The following MACROD2 variants were observed in gnomAD, a reference collection of about 807,000 sequenced individuals.
The protein encoded by MACROD2 is ADP-ribose glycohydrolase MACROD2.
MACROD2 carries 36 observed loss-of-function variants against 70.4 expected under a neutral mutation model. The ratio of observed to expected loss-of-function variants is 0.51; its 90% CI spans 0.39 to 0.68. The LOEUF (loss-of-function observed/expected upper bound fraction) is 0.68, where lower values mean the gene tolerates loss of function less well. Ranked by LOEUF, MACROD2 falls within the 30% of genes least tolerant of loss-of-function variation. The probability of loss-of-function intolerance (pLI) is 0.00; values close to 1 mark genes in which losing one functional copy is unlikely to be tolerated. For synonymous variants in MACROD2, 172 were observed against 178.8 expected (o/e 0.96, Z 0.30); for missense variants, 496 against 538.4 (o/e 0.92, Z 0.78).
At chr20:14,324,730 G>A (rs1338556659) in intron 3 of MACROD2, 3 of 151,898 alleles carry the variant, frequency 2.0e-5, no homozygotes, top group Non-Finnish European at 4.4e-5. Context: ...ATGCAGTTTT[G>A]GTATTTGTGT....
At chr20:15,742,472 C>T (rs1373052184) in intron 8 of MACROD2, among the ~76,000 whole-genome samples, 1 of 152,108 alleles carries the variant, frequency 6.6e-6, no homozygotes, top group African/African-American at 2.4e-5. Flanking sequence ...TTTTATTTTG[C>T]ACTGATAGAC....
intron 3 of MACROD2, among the ~76,000 whole-genome samples, chr20:14,341,804 A>G (rs985992968): frequency 5.9e-5 from 9 of 152,218 alleles, no homozygotes; most frequent in Admixed American, 2.6e-4. Context: ...GTTAAAATGT[A>G]TAGTACAACT....
chr20:15,437,970 A>T (rs1161734338), intron 7 of MACROD2, among the ~76,000 whole-genome samples: 1 of 151,978 alleles, frequency 6.6e-6, no homozygotes, highest in East Asian at 1.9e-4. Flanking sequence ...AGTCACATGC[A>T]TGTGTCTGTA....
intron 5 of MACROD2, among the ~76,000 whole-genome samples, chr20:15,201,602 T>C (rs2076656748): frequency 6.6e-6 from 1 of 152,212 alleles, no homozygotes; most frequent in Non-Finnish European, 1.5e-5. Flanking sequence ...TGGATAGTTG[T>C]TTCTCCTAGG....
In MACROD2 at chr20:15,095,061, C is replaced by CTTT. The variant is rs1431303564; in HGVS notation, c.419-134877_419-134876insTTT. Among the ~76,000 whole-genome samples the CTTT allele has an allele frequency of 9.2e-3, 418 of 45,596 alleles. 5 individuals are homozygous for CTTT. Among genetic ancestry groups the CTTT allele is most frequent in the Non-Finnish European group, 0.011 (311 of 27,810 alleles). The allele number at this position is 45,596 out of a possible 152,430, so 29.9% of individuals were successfully genotyped here. A position where few individuals can be genotyped will look rare whatever the true frequency, so the allele number is the denominator to read the frequency against. On this transcript the variant is annotated intron_variant, in intron 5 of 17. Coordinates refer to ENST00000684519, the MANE Select transcript of MACROD2 (RefSeq NM_001351661.2). ...TTATATCTTTTCACTGTGGTCTCCT[C>CTTT]TTCTTTTTTTTTTTTTTTTTTTTTT... is the stretch of plus-strand genomic sequence containing the variant.
intron 5 of MACROD2, among the ~76,000 whole-genome samples, chr20:14,787,561 T>G (rs1811414274): frequency 1.3e-5 from 2 of 152,138 alleles, no homozygotes; most frequent in South Asian, 4.1e-4. Flanking sequence ...AACAAAATCC[T>G]TGTTCTGCTT....
At chr20:15,704,686 G>A (rs1356043478) in intron 8 of MACROD2, among the ~76,000 whole-genome samples, 2 of 152,192 alleles carry the variant, frequency 1.3e-5, no homozygotes, top group Non-Finnish European at 2.9e-5. Context: ...AACAACTTTT[G>A]AGTAGCAAGG....
intron 9 of MACROD2, among the ~76,000 whole-genome samples, chr20:15,864,825 G>A (rs186312064): frequency 6.6e-6 from 1 of 152,200 alleles, no homozygotes; most frequent in Admixed American, 6.5e-5. Flanking sequence ...TTTACAATAG[G>A]AAGTACATTT....
intron 8 of MACROD2, among the ~76,000 whole-genome samples, chr20:15,751,403 TAAC>T (rs1425543542): frequency 4.6e-5 from 7 of 152,010 alleles, no homozygotes; most frequent in Non-Finnish European, 1.0e-4. Context: ...AAGAAAATAA[TAAC>T]ACTATGTAGC....
intron 10 of MACROD2, chr20:15,893,525 A>C (rs1167469728): frequency 2.8e-6 from 1 of 361,524 alleles, no homozygotes; most frequent in African/African-American, 2.1e-5. Flanking sequence ...CACTGGACTC[A>C]GTTTTATGAA....
At chr20:15,562,749 A>C (rs546741222) in intron 8 of MACROD2, among the ~76,000 whole-genome samples, 7 of 152,222 alleles carry the variant, frequency 4.6e-5, no homozygotes, top group African/African-American at 1.7e-4. Context: ...CATTTTCTCT[A>C]TGTGTTATCT....
At chr20:15,635,929 G>A (rs574828283) in intron 8 of MACROD2, among the ~76,000 whole-genome samples, 7 of 151,890 alleles carry the variant, frequency 4.6e-5, no homozygotes, top group Middle Eastern at 3.4e-3. Flanking sequence ...TTAGCTGGGC[G>A]TGGTGGTGCA....
intron 4 of MACROD2, among the ~76,000 whole-genome samples, chr20:14,530,239 A>G (rs1381153460): frequency 6.6e-6 from 1 of 152,168 alleles, no homozygotes; most frequent in Non-Finnish European, 1.5e-5. Flanking sequence ...GGAAGCTTTC[A>G]GGCAAAGACA....
At chr20:14,075,002 G>T (rs2053899038) in intron 2 of MACROD2, among the ~76,000 whole-genome samples, 1 of 152,136 alleles carries the variant, frequency 6.6e-6, no homozygotes, top group Non-Finnish European at 1.5e-5. Flanking sequence ...AGTCATCTCA[G>T]TTATCACATT....
chr20:14,953,345 C>T (rs550757609), intron 5 of MACROD2, among the ~76,000 whole-genome samples: 3 of 152,176 alleles, frequency 2.0e-5, no homozygotes, highest in Non-Finnish European at 2.9e-5. Flanking sequence ...CTCTCTCTGT[C>T]GCCCAGGTTG....
At chr20:14,335,029 A>C (rs2082912285) in intron 3 of MACROD2, among the ~76,000 whole-genome samples, 1 of 152,188 alleles carries the variant, frequency 6.6e-6, no homozygotes, top group African/African-American at 2.4e-5. Flanking sequence ...TCAAAAATGA[A>C]AAGCAAGAAA....
chr20:14,384,081 A>G (rs2083448146), intron 3 of MACROD2, among the ~76,000 whole-genome samples: 1 of 152,108 alleles, frequency 6.6e-6, no homozygotes, highest in African/African-American at 2.4e-5. Flanking sequence ...ACCTAGTCTC[A>G]CATTAAGAGG....
Position 16,052,309 on chromosome 20 carries a change from T to A in MACROD2, c.*2433T>A, listed in dbSNP as rs1034974952. On this transcript the variant is annotated 3_prime_UTR_variant, in exon 18 of 18. Coordinates refer to ENST00000684519, the MANE Select transcript of MACROD2 (RefSeq NM_001351661.2). ...AAAGACACCTGAACACAGAAAACCT[T>A]TATTTGCTGGTGCTGCCATTGCACA... 1.3e-5 allele frequency: 2 copies of A among 152,216 alleles called. No individual in the cohort carries two copies. Among genetic ancestry groups the A allele is most frequent in the Non-Finnish European group, 2.9e-5 (2 of 68,030 alleles). 9.4% of individuals were successfully genotyped at this position (152,216 alleles called of 1,614,324 possible).
chr20:14,533,777 A>G (rs1383449549), intron 4 of MACROD2, among the ~76,000 whole-genome samples: 2 of 152,232 alleles, frequency 1.3e-5, no homozygotes, highest in Non-Finnish European at 2.9e-5. Flanking sequence ...TGGAATCACT[A>G]GTAAAGCCAT....
Sources: gnomAD v4.1 joint callset for allele counts (sites outside exome capture counted in the v4.1 genomes callset) on GRCh38, gnomAD v4.1.1 for gene constraint, MANE v1.5 for transcripts, NCBI Gene and HGNC (gene_info 2026-07-23, HGNC 2026-07-21) for gene names.